Variants in GABPB2 observed in about 807,000 individuals in gnomAD.
GABPB2 encodes GA-binding protein subunit beta-2.
In GABPB2, 23 loss-of-function variants were observed where a neutral mutation model predicts 39.1. The ratio of observed to expected loss-of-function variants is 0.59; its 90% CI spans 0.42 to 0.83. GABPB2 has a LOEUF of 0.83. Among genes scored for constraint, GABPB2 ranks in the 40% least tolerant of loss-of-function variants. The pLI, the probability that GABPB2 is intolerant of heterozygous loss-of-function variation, is 0.00. For synonymous variants in GABPB2, 184 were observed against 199.3 expected (o/e 0.92, Z 0.65); for missense variants, 467 against 541.1 (o/e 0.86, Z 1.36).
intron 1 of GABPB2, among the ~76,000 whole-genome samples, chr1:151,074,435 C>T (rs761630263): frequency 2.0e-5 from 3 of 150,658 alleles, no homozygotes; most frequent in East Asian, 2.0e-4. Flanking sequence ...CTCAGCCTCT[C>T]GAATAGCTGG....
intron 2 of GABPB2, chr1:151,088,627 A>C: frequency 3.2e-6 from 1 of 313,966 alleles, no homozygotes; most frequent in South Asian, 2.9e-5. Flanking sequence ...CTAGAAATTA[A>C]ACAAAATCAA....
chr1:151,103,687 A>T lies in GABPB2; in HGVS notation c.736+12A>T. 2 of 1,547,058 alleles carry T rather than the reference A, an allele frequency of 1.3e-6. No homozygotes were observed. ...ACACAGAGCCACAGGTAGGTAAGGG[A>T]TATGCTGCTGGGTGAATCACCACTT... On this transcript the variant is annotated intron_variant, in intron 6 of 8. Coordinates refer to ENST00000368918, the MANE Select transcript of GABPB2 (RefSeq NM_144618.3).
In GABPB2 at chr1:151,124,189, T is replaced by C. The variant is rs1224293976; in HGVS notation, c.*5933T>C. 5 of 147,564 alleles carry C rather than the reference T, an allele frequency of 3.4e-5. No individual in the cohort carries two copies. Among genetic ancestry groups the C allele is most frequent in the Admixed American group, 6.8e-5 (1 of 14,646 alleles). The allele number at this position is 147,564 out of a possible 1,614,324, so 9.1% of individuals were successfully genotyped here. ...TTTCTTTTTTTTTTTTTAAACAGAG[T>C]CTCTCTCTGTCACCCAGGCTGGAGC... On this transcript the variant is annotated 3_prime_UTR_variant, in exon 9 of 9. Coordinates refer to ENST00000368918, the MANE Select transcript of GABPB2 (RefSeq NM_144618.3).
chr1:151,092,309 G>C (rs11204775), intron 3 of GABPB2, among the ~76,000 whole-genome samples: 13,645 of 151,526 alleles, frequency 0.09, 778 homozygotes, highest in African/African-American at 0.16. Context: ...GTTTAACCAT[G>C]TTGGCCAGGA....
chr1:151,109,305 T>TATATATATATACACACAA (rs1680199945), intron 7 of GABPB2, among the ~76,000 whole-genome samples: 5 of 115,198 alleles, frequency 4.3e-5, no homozygotes, highest in African/African-American at 1.4e-4. Flanking sequence ...GATTTATATA[T>TATATATATATACACACAA]ATATATATAT....
intron 7 of GABPB2, among the ~76,000 whole-genome samples, chr1:151,111,390 G>C (rs1398523996): frequency 7.1e-6 from 1 of 139,904 alleles, no homozygotes; most frequent in Non-Finnish European, 1.5e-5. Context: ...ATTACAAGGC[G>C]CCCACCACCG....
rs1681271339 is a variant in GABPB2, at chr1:151,123,850, T to G, written c.*5594T>G. On this transcript the variant is annotated 3_prime_UTR_variant, in exon 9 of 9. Coordinates refer to ENST00000368918, the MANE Select transcript of GABPB2 (RefSeq NM_144618.3). ...GCCTGGGCAACAGAATGAGACTCGG[T>G]CTCAAAAAATAAAATAAAATAAAAT... 7.0e-6 allele frequency: 1 copy of G among 143,318 alleles called. No individual in the cohort carries two copies. Among genetic ancestry groups the G allele is most frequent in the African/African-American group, 2.6e-5 (1 of 37,928 alleles). The allele number at this position is 143,318 out of a possible 1,614,324, so 8.9% of individuals were successfully genotyped here.
chr1:151,079,540 C>T (rs1015854881), intron 1 of GABPB2, among the ~76,000 whole-genome samples: 5 of 151,730 alleles, frequency 3.3e-5, no homozygotes, highest in Admixed American at 3.3e-4. Flanking sequence ...GACCCTGTCT[C>T]AGTAAATAAA....
intron 3 of GABPB2, among the ~76,000 whole-genome samples, chr1:151,091,508 A>C (rs1678708765): frequency 7.4e-6 from 1 of 135,618 alleles, no homozygotes; most frequent in African/African-American, 2.8e-5. Flanking sequence ...GAAGTCTCGC[A>C]CTATCGCCCA....
chr1:151,106,960 G>A, intron 6 of GABPB2, 77 bp from the exon 7 acceptor site: 2 of 955,382 alleles, frequency 2.1e-6, no homozygotes, highest in East Asian at 5.5e-5. Context: ...ATGTTGTCAG[G>A]TTCAAGGAGG....
chr1:151,113,610 C>T (rs993835595), intron 7 of GABPB2, among the ~76,000 whole-genome samples: 1 of 151,954 alleles, frequency 6.6e-6, no homozygotes, highest in African/African-American at 2.4e-5. Context: ...ATTAAAGATT[C>T]AGTACAGTTC....
chr1:151,085,054 G>A (rs587775839), intron 1 of GABPB2, among the ~76,000 whole-genome samples: 14 of 151,918 alleles, frequency 9.2e-5, no homozygotes, highest in African/African-American at 3.4e-4. Flanking sequence ...CTGTGATCAC[G>A]GCACTGCACT....
chr1:151,090,565 C>T lies in GABPB2; in HGVS notation c.268C>T (p.Leu90Phe). Reference protein sequence around the residue: ...ADGHAHIVELLVRNGADVNAK... With the variant: ...ADGHAHIVELFVRNGADVNAK... ...TGGACATGCGCACATCGTGGAACTGCTTGTTCGGGTAAAGCAAGAATAGGG... is the reference window on the plus strand; with the variant it reads ...TGGACATGCGCACATCGTGGAACTGTTTGTTCGGGTAAAGCAAGAATAGGG... The change falls in exon 3 of 9, where the codon CTT (leucine) becomes TTT (phenylalanine). Residue 90 changes from leucine to phenylalanine, a missense_variant. Leu to Phe is a conservative substitution (Grantham distance 22). Coordinates refer to ENST00000368918, the MANE Select transcript of GABPB2 (RefSeq NM_144618.3). 6.2e-7 allele frequency: 1 copy of T among 1,613,452 alleles called. No homozygotes were observed. The highest frequency in any genetic ancestry group is 8.5e-7 in the Non-Finnish European group (1 of 1,179,668).
At chr1:151,116,454 A>T (rs1680879562) in intron 7 of GABPB2, among the ~76,000 whole-genome samples, 2 of 151,002 alleles carry the variant, frequency 1.3e-5, no homozygotes, top group South Asian at 4.2e-4. Flanking sequence ...GTAGTGTGTC[A>T]TGTGTGTTGT....
At chr1:151,074,389 C>T (rs1403152752) in intron 1 of GABPB2, among the ~76,000 whole-genome samples, 1 of 150,830 alleles carries the variant, frequency 6.6e-6, no homozygotes, top group Non-Finnish European at 1.5e-5. Flanking sequence ...CGGCTCACTG[C>T]AAGCTCCACT....
chr1:151,110,446 T>G (rs923943577), intron 7 of GABPB2, among the ~76,000 whole-genome samples: 1 of 152,072 alleles, frequency 6.6e-6, no homozygotes, highest in African/African-American at 2.4e-5. Flanking sequence ...AAGAATAGAA[T>G]TGAGGTTTTA....
intron 2 of GABPB2, 179 bp downstream of exon 2, chr1:151,088,476 A>C (rs2101481150): frequency 2.2e-6 from 3 of 1,346,306 alleles, no homozygotes; most frequent in Non-Finnish European, 3.0e-6. Context: ...TTAGTTTTCC[A>C]AATTGAGAGT....
chr1:151,097,173 A>G (rs889172626), intron 4 of GABPB2, among the ~76,000 whole-genome samples: 2 of 151,910 alleles, frequency 1.3e-5, no homozygotes, highest in Admixed American at 1.3e-4. Flanking sequence ...CAGCCTCCCA[A>G]AGTGGTAGGA....
rs201080682 is a variant in GABPB2 at position 151,075,730 on chromosome 1, A to AC, written c.-1+4799dup. Among the ~76,000 whole-genome samples the AC allele has an allele frequency of 5.4e-3, 814 of 151,316 alleles. 11 individuals carry two copies. Among genetic ancestry groups the AC allele is most frequent in the Non-Finnish European group, 6.9e-3 (465 of 67,716 alleles). ...TCTCAAAAAAACCCCCCCCAAAAAA[A>AC]CCCAAAAAAACACAAAACAAAACAA... On this transcript the variant is annotated intron_variant, in intron 1 of 8. Coordinates refer to ENST00000368918, the MANE Select transcript of GABPB2 (RefSeq NM_144618.3).
Sources: gnomAD v4.1 joint callset for allele counts (sites outside exome capture counted in the v4.1 genomes callset) on GRCh38, gnomAD v4.1.1 for gene constraint, MANE v1.5 for transcripts, NCBI Gene and HGNC (gene_info 2026-07-23, HGNC 2026-07-21) for gene names.